The following NRG4 variants were observed in gnomAD, a reference collection of about 807,000 sequenced individuals.
NRG4 encodes the protein pro-neuregulin-4, membrane-bound isoform.
NRG4 carries 10 observed loss-of-function variants against 15.0 expected under a neutral mutation model. That is an observed-to-expected ratio of 0.67 (90% confidence interval 0.41 to 1.13). The LOEUF is 1.13. Ranked by LOEUF, NRG4 falls within the 50% of genes most tolerant of loss-of-function variation. NRG4 has a pLI of 0.00. For synonymous variants in NRG4, 41 were observed against 50.1 expected, an observed-to-expected ratio of 0.82 and a Z score of 0.77; for missense variants, 139 against 140.2, an observed-to-expected ratio of 0.99 and a Z score of 0.04.
chr15:75,955,792 C>CAAAAAA, intron 5 of NRG4, 140 bp downstream of exon 5: 1 of 300,648 alleles, frequency 3.3e-6, no homozygotes, highest in South Asian at 5.9e-5. Context: ...GGTACCTGGC[C>CAAAAAA]AAAAAAAAAA....
At chr15:76,049,058 A>G (rs1189385949) in intron 4 of NRG4, among the ~76,000 whole-genome samples, 2 of 150,466 alleles carry the variant, frequency 1.3e-5, no homozygotes, top group African/African-American at 5.0e-5. Flanking sequence ...AAGAAAAAAA[A>G]AATCCAAACA....
chr15:75,947,535 T>C (rs2141772538), intron 5 of NRG4, among the ~76,000 whole-genome samples: 1 of 152,370 alleles, frequency 6.6e-6, no homozygotes, highest in East Asian at 1.9e-4. Context: ...GTGTCTCTTG[T>C]TTAAACTCTT....
At chr15:76,043,823 T>C (rs2035802305) in intron 4 of NRG4, among the ~76,000 whole-genome samples, 1 of 152,170 alleles carries the variant, frequency 6.6e-6, no homozygotes, top group Non-Finnish European at 1.5e-5. Context: ...AGACCCAGAA[T>C]AGCCAAAGCT....
At chr15:75,954,810 T>C (rs142719593) in intron 5 of NRG4, among the ~76,000 whole-genome samples, 1 of 152,128 alleles carries the variant, frequency 6.6e-6, no homozygotes. Context: ...ACATTATTAA[T>C]TTCACCTGTT....
chr15:76,011,221 C>T lies in NRG4; in HGVS notation c.10G>A (p.Asp4Asn). The T allele has an allele frequency of 6.9e-7, 1 of 1,446,354 alleles. No individual in the cohort carries two copies. Among genetic ancestry groups the T allele is most frequent in the Non-Finnish European group, 9.2e-7 (1 of 1,089,566 alleles). 89.6% of individuals were successfully genotyped at this position (1,446,354 alleles called of 1,614,324 possible). A position where few individuals can be genotyped will look rare whatever the true frequency, so the allele number is the denominator to read the frequency against. Residue 4 changes from aspartate (D) to asparagine (N), a missense_variant and splice_region_variant, in exon 2 of 6, where the codon GAT (aspartate) becomes AAT (asparagine). Coordinates refer to ENST00000394907, the MANE Select transcript of NRG4 (RefSeq NM_138573.4). ...AACATATAAATATATAAGAAATTAC[C>T]TGTTGGCATCTTAATTTGTAAATAG... MPT[D>N]HEEPCGPSHK...
intron 1 of NRG4, among the ~76,000 whole-genome samples, chr15:76,059,219 G>C (rs993056553): frequency 6.6e-6 from 1 of 152,150 alleles, no homozygotes; most frequent in Non-Finnish European, 1.5e-5. Flanking sequence ...GTCCTACAAG[G>C]GTCCTGAGCT....
At chr15:75,963,758 A>G (rs1043955088) in intron 3 of NRG4, among the ~76,000 whole-genome samples, 2 of 148,346 alleles carry the variant, frequency 1.3e-5, no homozygotes, top group East Asian at 3.9e-4. Context: ...CAGCCTGGCA[A>G]CAGAGCAAGA....
chr15:75,990,767 C>CT (rs2033984580), intron 3 of NRG4, among the ~76,000 whole-genome samples: 1 of 150,458 alleles, frequency 6.6e-6, no homozygotes, highest in African/African-American at 2.5e-5. Flanking sequence ...ACTGTACCCT[C>CT]TAACTTCTGG....
In NRG4 at chr15:75,942,346, C is replaced by T. The variant is rs1312085707; in HGVS notation, c.*1292G>A. 1 of 139,796 alleles carries T rather than the reference C, an allele frequency of 7.2e-6. No homozygotes were observed. The highest frequency in any genetic ancestry group is 1.5e-5 in the Non-Finnish European group (1 of 65,340). 8.7% of individuals were successfully genotyped at this position (139,796 alleles called of 1,614,324 possible). A position where few individuals can be genotyped will look rare whatever the true frequency, so the allele number is the denominator to read the frequency against. On this transcript the variant is annotated 3_prime_UTR_variant, in exon 6 of 6. Transcript: ENST00000394907. Reference sequence around the variant, plus strand: ...TGGATGACAGAGTGAGACTTTGTCTCAAAAAGTAAAGTAAAAATGTGTCAA... The same window carrying T: ...TGGATGACAGAGTGAGACTTTGTCTTAAAAAGTAAAGTAAAAATGTGTCAA...
At chr15:76,009,468 C>T (rs2141908164) in intron 2 of NRG4, among the ~76,000 whole-genome samples, 175 bp from the exon 3 acceptor site, 1 of 152,228 alleles carries the variant, frequency 6.6e-6, no homozygotes, top group South Asian at 2.1e-4. Context: ...ACTGGGACTT[C>T]TATGTCTTTG....
intron 5 of NRG4, among the ~76,000 whole-genome samples, chr15:76,034,138 A>AT: frequency 6.6e-6 from 1 of 152,246 alleles, no homozygotes; most frequent in Non-Finnish European, 1.5e-5. Flanking sequence ...TCTATCTGCT[A>AT]TATCAAGTGC....
intron 5 of NRG4, among the ~76,000 whole-genome samples, chr15:76,024,010 T>C (rs1006757290): frequency 3.3e-5 from 5 of 152,170 alleles, no homozygotes; most frequent in African/African-American, 4.8e-5. Context: ...ACCTGAGAGA[T>C]AGCCCTGCAG....
At position 75,944,768 on chromosome 15, in the gene NRG4, T is replaced by TGGG. The variant is rs755812813; in HGVS notation, c.332-1117_332-1115dup. Among the ~76,000 whole-genome samples the TGGG allele has an allele frequency of 3.3e-3, 385 of 115,096 alleles. 4 individuals carry two copies. Among genetic ancestry groups the TGGG allele is most frequent in the African/African-American group, 0.011 (359 of 34,178 alleles). 75.5% of individuals were successfully genotyped at this position (115,096 alleles called of 152,430 possible). A position where few individuals can be genotyped will look rare whatever the true frequency, so the allele number is the denominator to read the frequency against. On this transcript the variant is annotated intron_variant, in intron 5 of 5. Coordinates refer to ENST00000394907, the MANE Select transcript of NRG4 (RefSeq NM_138573.4). ...AGTAAAAGGCTTTTGTGTGTGTGTG[T>TGGG]GGGGGGGTGGTTATTTGCTTATAGT...
At chr15:76,022,339 A>G (rs2035179825) in intron 5 of NRG4, among the ~76,000 whole-genome samples, 2 of 152,200 alleles carry the variant, frequency 1.3e-5, no homozygotes, top group Admixed American at 6.5e-5. Context: ...GCTGATTCAT[A>G]TAAAGCATAT....
intron 5 of NRG4, among the ~76,000 whole-genome samples, chr15:76,021,027 G>C (rs921644549): frequency 1.3e-5 from 2 of 152,184 alleles, no homozygotes; most frequent in Non-Finnish European, 2.9e-5. Context: ...TAGCTAAAGA[G>C]AAGTCAATGT....
At chr15:75,988,584 G>C (rs1685787717) in intron 3 of NRG4, among the ~76,000 whole-genome samples, 1 of 152,180 alleles carries the variant, frequency 6.6e-6, no homozygotes, top group African/African-American at 2.4e-5. Flanking sequence ...TGAGTCTCTT[G>C]ATAGATACAC....
At chr15:75,940,124 A>C (rs1323055477), downstream of NRG4, 1 of 146,796 alleles carries the variant, frequency 6.8e-6, no homozygotes, top group African/African-American at 2.5e-5. Context: ...AAAAAAAAAA[A>C]TAACTGTTAA....
intron 3 of NRG4, among the ~76,000 whole-genome samples, chr15:75,990,582 G>A (rs1175289069): frequency 6.6e-6 from 1 of 151,744 alleles, no homozygotes; most frequent in African/African-American, 2.4e-5. Flanking sequence ...GGAAGCAGAA[G>A]CCTCTATTAT....
intron 3 of NRG4, among the ~76,000 whole-genome samples, chr15:75,997,276 A>G (rs575530170): frequency 1.3e-5 from 2 of 152,168 alleles, no homozygotes; most frequent in African/African-American, 4.8e-5. Flanking sequence ...TGTATTGCAA[A>G]GATATATATT....
Sources: gnomAD v4.1 joint callset for allele counts (sites outside exome capture counted in the v4.1 genomes callset) on GRCh38, gnomAD v4.1.1 for gene constraint, MANE v1.5 for transcripts, NCBI Gene and HGNC (gene_info 2026-07-23, HGNC 2026-07-21) for gene names.